The following MEGF10 variants were observed in gnomAD, a reference collection of about 807,000 sequenced individuals.
The protein encoded by MEGF10 is multiple EGF like domains 10, also known as multiple epidermal growth factor-like domains protein 10.
Under a neutral mutation model 147.5 loss-of-function variants are expected in MEGF10, and 86 were observed. The ratio of observed to expected loss-of-function variants is 0.58; its 90% CI spans 0.49 to 0.70. The LOEUF (loss-of-function observed/expected upper bound fraction) is 0.70, where lower values mean the gene tolerates loss of function less well. MEGF10 is among the 30% of genes least tolerant of loss of function. The probability of loss-of-function intolerance (pLI) is 0.00; values close to 1 mark genes in which losing one functional copy is unlikely to be tolerated. For synonymous variants in MEGF10, 478 were observed against 525.5 expected (o/e 0.91, Z 1.24); for missense variants, 1,329 against 1,487.3 (o/e 0.89, Z 1.75).
the MEGF10 span, among the ~76,000 whole-genome samples, chr5:127,246,000 G>A: frequency 2.6e-5 from 4 of 152,218 alleles, no homozygotes; most frequent in Non-Finnish European, 4.4e-5. Flanking sequence ...CTTTTTCACT[G>A]TTGGTGGGAG....
intron 2 of MEGF10, among the ~76,000 whole-genome samples, chr5:127,338,304 T>C (rs1173282975): frequency 6.6e-6 from 1 of 152,126 alleles, no homozygotes; most frequent in Non-Finnish European, 1.5e-5. Flanking sequence ...CGTTTTCTTA[T>C]AGGCAGACAC....
At chr5:127,230,054 T>G in the MEGF10 span, among the ~76,000 whole-genome samples, 158 of 152,116 alleles carry the variant, frequency 1.0e-3, 1 homozygote, top group Non-Finnish European at 1.9e-3. Flanking sequence ...TTTTAGTTTT[T>G]GGTAATTTAG....
chr5:127,289,939 T>C (rs1036044634), upstream of MEGF10, among the ~76,000 whole-genome samples: 4 of 152,094 alleles, frequency 2.6e-5, no homozygotes, highest in African/African-American at 9.7e-5. Context: ...ATTTGTATCT[T>C]TTGGGGTCCT....
chr5:127,435,754 C>T (rs368775906), intron 16 of MEGF10, among the ~76,000 whole-genome samples: 7 of 151,704 alleles, frequency 4.6e-5, no homozygotes, highest in East Asian at 1.9e-4. Context: ...TTCAGTGATT[C>T]ATCGTCCATT....
At chr5:127,444,824 T>C (rs1487279435) in intron 19 of MEGF10, 2 of 152,674 alleles carry the variant, frequency 1.3e-5, no homozygotes, top group Non-Finnish European at 2.9e-5. Flanking sequence ...AGGTAGATCC[T>C]GTTCTTAGAC....
Position 127,460,129 on chromosome 5 carries a change from C to G in MEGF10, c.*2811C>G, listed in dbSNP as rs1262647810. ...TTTCCTTTCTGTATCCCATGGTGGT[C>G]AAAGCAGTAAAGGAGTTTAGAGATA... On this transcript the variant is annotated 3_prime_UTR_variant, in exon 25 of 25. Coordinates refer to ENST00000503335, the MANE Select transcript of MEGF10 (RefSeq NM_001256545.2). 5 of 152,094 alleles carry G rather than the reference C, an allele frequency of 3.3e-5. No individual in the cohort carries two copies. The highest frequency in any genetic ancestry group is 4.8e-5 in the African/African-American group (2 of 41,424). The allele number at this position is 152,094 out of a possible 1,614,324, so 9.4% of individuals were successfully genotyped here.
chr5:127,310,231 A>G (rs563857441), intron 1 of MEGF10, among the ~76,000 whole-genome samples: 33 of 151,766 alleles, frequency 2.2e-4, no homozygotes, highest in African/African-American at 5.3e-4. Context: ...AAAAATGTCT[A>G]TGCAAGTTAT....
intron 8 of MEGF10, among the ~76,000 whole-genome samples, chr5:127,409,078 A>C (rs1463756874): frequency 2.0e-5 from 3 of 152,082 alleles, no homozygotes; most frequent in African/African-American, 7.2e-5. Flanking sequence ...CCCTGTCTCA[A>C]AAAAAAGTAT....
chr5:127,293,060 AT>A (rs1759331329), intron 1 of MEGF10, among the ~76,000 whole-genome samples: 1 of 152,166 alleles, frequency 6.6e-6, no homozygotes. Context: ...CCTCAAGCAG[AT>A]TGCTTTTCTC....
intron 19 of MEGF10, chr5:127,444,337 C>T (rs1765861212): frequency 6.6e-6 from 1 of 152,216 alleles, no homozygotes; most frequent in Non-Finnish European, 1.5e-5. Context: ...TTACATTTGA[C>T]TGTCATAACA....
chr5:127,402,715 T>A, intron 8 of MEGF10, 33 bp downstream of exon 8: 2 of 1,609,128 alleles, frequency 1.2e-6, no homozygotes, highest in Non-Finnish European at 1.7e-6. Flanking sequence ...TCTGACTGTT[T>A]ATAATGATGT....
intron 18 of MEGF10, 81 bp downstream of exon 18, chr5:127,440,948 G>C: frequency 6.5e-7 from 1 of 1,548,330 alleles, no homozygotes; most frequent in Non-Finnish European, 8.8e-7. Flanking sequence ...AAATATTAAG[G>C]CAGAATTCAC....
chr5:127,401,858 C>A (rs12234066), intron 7 of MEGF10, among the ~76,000 whole-genome samples: 35,090 of 152,028 alleles, frequency 0.23, 4,676 homozygotes, highest in African/African-American at 0.37. Flanking sequence ...GAAATATCCA[C>A]GTTACTCTCT....
At chr5:127,332,248 A>G (rs765432601) in intron 2 of MEGF10, among the ~76,000 whole-genome samples, 12 of 152,236 alleles carry the variant, frequency 7.9e-5, no homozygotes, top group Non-Finnish European at 1.3e-4. Flanking sequence ...CTAATGTGCT[A>G]CTTGAATTTC....
intron 4 of MEGF10, among the ~76,000 whole-genome samples, chr5:127,351,986 GGTTCCTAGCAGTGATCAT>G (rs1762105613): frequency 6.6e-6 from 1 of 152,200 alleles, no homozygotes; most frequent in Non-Finnish European, 1.5e-5. Context: ...TCCTAAGGAA[GGTTCCTAGCAGTGATCAT>G]GTTCCTTTTA....
At chr5:127,445,179 G>A (rs983991393) in intron 19 of MEGF10, 28 of 419,572 alleles carry the variant, frequency 6.7e-5, no homozygotes, top group Non-Finnish European at 1.1e-4. Flanking sequence ...CAGTTCTCCC[G>A]CCTCAGTCTC....
chr5:127,349,088 T>G (rs1447907195), intron 4 of MEGF10, among the ~76,000 whole-genome samples: 4 of 152,158 alleles, frequency 2.6e-5, no homozygotes, highest in African/African-American at 9.6e-5. Flanking sequence ...CAGTATACAT[T>G]TAAAGAATAA....
At chr5:127,350,692 C>T (rs928920550) in intron 4 of MEGF10, among the ~76,000 whole-genome samples, 1 of 152,086 alleles carries the variant, frequency 6.6e-6, no homozygotes, top group African/African-American at 2.4e-5. Flanking sequence ...CCCTTCTCAA[C>T]TGTGCTACAC....
intron 4 of MEGF10, among the ~76,000 whole-genome samples, chr5:127,356,294 A>G (rs1021913124): frequency 2.6e-5 from 4 of 152,208 alleles, no homozygotes; most frequent in African/African-American, 9.7e-5. Context: ...AAGGAGGGAG[A>G]GATTGATGCG....
Sources: allele counts gnomAD v4.1 joint callset (sites outside exome capture counted in the v4.1 genomes callset), GRCh38; gene constraint gnomAD v4.1.1; transcripts MANE v1.5; gene names NCBI Gene and HGNC (gene_info 2026-07-23, HGNC 2026-07-21).